The following DIAPH3 variants were observed in gnomAD, a reference collection of about 807,000 sequenced individuals.
The protein encoded by DIAPH3 is protein diaphanous homolog 3.
DIAPH3 carries 117 observed loss-of-function variants against 144.3 expected under a neutral mutation model. The ratio of observed to expected loss-of-function variants is 0.81; its 90% CI spans 0.70 to 0.95. The LOEUF is 0.95. Among genes scored for constraint, DIAPH3 ranks in the 40% least tolerant of loss-of-function variants. DIAPH3 has a pLI of 0.00. For missense variants in DIAPH3, 1,421 were observed against 1,412.7 expected (o/e 1.01, Z -0.09); for synonymous variants, 519 against 488.9 (o/e 1.06, Z -0.81).
At chr13:60,051,417 C>T (rs1220306863) in intron 4 of DIAPH3, among the ~76,000 whole-genome samples, 2 of 151,926 alleles carry the variant, frequency 1.3e-5, no homozygotes, top group Admixed American at 6.6e-5. Flanking sequence ...GTCAGGAGTT[C>T]GAGACCAGCC....
intron 27 of DIAPH3, among the ~76,000 whole-genome samples, chr13:59,693,375 T>C (rs1347522000): frequency 6.6e-6 from 1 of 152,194 alleles, no homozygotes; most frequent in East Asian, 1.9e-4. Context: ...AGATGTCCTT[T>C]TATAAGCTCT....
intron 20 of DIAPH3, among the ~76,000 whole-genome samples, chr13:59,905,273 C>G (rs1309757612): frequency 7.1e-6 from 1 of 141,016 alleles, no homozygotes; most frequent in Admixed American, 7.8e-5. Flanking sequence ...AACCCGGGAG[C>G]CGGAGCTTGC....
rs774758858 is a variant in DIAPH3 at position 59,810,810 on chromosome 13, C to T, written c.3141G>A (p.Lys1047=). 6.2e-6 allele frequency: 10 copies of T among 1,613,396 alleles called. No individual in the cohort carries two copies. Among genetic ancestry groups the T allele is most frequent in the Non-Finnish European group, 6.8e-6 (8 of 1,179,904 alleles). The change falls in exon 25 of 28, where the codon AAG becomes AAA. Residue 1047 remains lysine, a synonymous_variant. Coordinates refer to ENST00000400324, the MANE Select transcript of DIAPH3 (RefSeq NM_001042517.2). The part of the protein sequence containing the change: ...RERLERQQKK[K]RLLEMKTEGD... ...CACCAGTCTTCATTTCTAATAAACG[C>T]TTTTTCTTTTGTTGGCGTTCGAGTC...
chr13:59,907,964 T>A (rs2046816694), intron 20 of DIAPH3, among the ~76,000 whole-genome samples: 1 of 152,160 alleles, frequency 6.6e-6, no homozygotes, highest in Non-Finnish European at 1.5e-5. Flanking sequence ...GGTTAGAAGT[T>A]TCAAGGATAT....
intron 27 of DIAPH3, among the ~76,000 whole-genome samples, chr13:59,765,295 CTTTCTAT>C (rs1404736565): frequency 6.6e-6 from 1 of 152,032 alleles, no homozygotes; most frequent in Non-Finnish European, 1.5e-5. Context: ...TTTGCAATAA[CTTTCTAT>C]TGGCAAATGT....
chr13:59,881,654 A>G (rs935708769), intron 20 of DIAPH3, among the ~76,000 whole-genome samples: 14 of 152,136 alleles, frequency 9.2e-5, no homozygotes, highest in African/African-American at 3.4e-4. Flanking sequence ...CTAGATTTGT[A>G]TGAATAATGA....
At chr13:59,762,094 C>T (rs1334895383) in intron 27 of DIAPH3, among the ~76,000 whole-genome samples, 1 of 105,442 alleles carries the variant, frequency 9.5e-6, no homozygotes, top group Non-Finnish European at 1.8e-5. Context: ...CAGTCTTGCT[C>T]TGTTGCCAGG....
intron 4 of DIAPH3, among the ~76,000 whole-genome samples, chr13:60,080,336 G>A (rs548592680): frequency 6.6e-6 from 1 of 151,760 alleles, no homozygotes; most frequent in Non-Finnish European, 1.5e-5. Flanking sequence ...TCTACAATGT[G>A]TTATAGAAAT....
At chr13:59,705,634 T>C (rs1319743192) in intron 27 of DIAPH3, among the ~76,000 whole-genome samples, 3 of 152,212 alleles carry the variant, frequency 2.0e-5, no homozygotes, top group Admixed American at 6.5e-5. Flanking sequence ...CATGAAAATA[T>C]TGTTGAAGTA....
chr13:59,717,524 A>G (rs1265325045), intron 27 of DIAPH3, among the ~76,000 whole-genome samples: 1 of 152,128 alleles, frequency 6.6e-6, no homozygotes, highest in South Asian at 2.1e-4. Flanking sequence ...CAGTCTGACC[A>G]CTCACTCAGA....
At chr13:60,118,099 G>A (rs1448797785) in intron 2 of DIAPH3, among the ~76,000 whole-genome samples, 1 of 152,098 alleles carries the variant, frequency 6.6e-6, no homozygotes, top group African/African-American at 2.4e-5. Context: ...GGTACACTAA[G>A]TTTTATAAAT....
chr13:59,691,660 G>A (rs75324918), intron 27 of DIAPH3, among the ~76,000 whole-genome samples: 6,654 of 152,114 alleles, frequency 0.044, 225 homozygotes, highest in South Asian at 0.1. Flanking sequence ...CATGTAGAAC[G>A]AATAAAATAA....
intron 5 of DIAPH3, among the ~76,000 whole-genome samples, chr13:60,027,582 A>C (rs996347185): frequency 1.3e-5 from 2 of 152,214 alleles, no homozygotes; most frequent in Non-Finnish European, 2.9e-5. Context: ...CACAAGAAAC[A>C]AGAGTTCTTG....
chr13:60,100,298 C>A (rs142506602), intron 3 of DIAPH3, among the ~76,000 whole-genome samples: 266 of 152,146 alleles, frequency 1.7e-3, no homozygotes, highest in African/African-American at 5.9e-3. Context: ...CAAAATAGAT[C>A]TCAATCTAAT....
At chr13:59,841,179 A>G (rs1214474849) in intron 22 of DIAPH3, among the ~76,000 whole-genome samples, 1 of 152,062 alleles carries the variant, frequency 6.6e-6, no homozygotes, top group Non-Finnish European at 1.5e-5. Flanking sequence ...CTCCTAGTCT[A>G]TTTGATCTCT....
At chr13:59,682,816 A>C (rs984761166) in intron 27 of DIAPH3, among the ~76,000 whole-genome samples, 3 of 151,994 alleles carry the variant, frequency 2.0e-5, no homozygotes, top group Non-Finnish European at 4.4e-5. Context: ...TATTTCTCTC[A>C]TATGTTTTGT....
chr13:60,000,431 A>G (rs2052453556), intron 9 of DIAPH3, among the ~76,000 whole-genome samples: 1 of 152,142 alleles, frequency 6.6e-6, no homozygotes, highest in Admixed American at 6.5e-5. Flanking sequence ...GAAAAAAAAA[A>G]ACCTAAAGCA....
At chr13:59,951,770 T>C (rs551818176) in intron 17 of DIAPH3, among the ~76,000 whole-genome samples, 1 of 152,102 alleles carries the variant, frequency 6.6e-6, no homozygotes, top group Non-Finnish European at 1.5e-5. Flanking sequence ...ATAACAAGTG[T>C]GGGCAAGGAT....
At chr13:59,972,275 A>G (rs1381471534) in intron 15 of DIAPH3, among the ~76,000 whole-genome samples, 1 of 152,216 alleles carries the variant, frequency 6.6e-6, no homozygotes, top group African/African-American at 2.4e-5. Context: ...CAGGGGTGAA[A>G]AAAGAACCGC....
Sources: gnomAD v4.1 joint callset for allele counts (sites outside exome capture counted in the v4.1 genomes callset) on GRCh38, gnomAD v4.1.1 for gene constraint, MANE v1.5 for transcripts, NCBI Gene and HGNC (gene_info 2026-07-23, HGNC 2026-07-21) for gene names.